Variants in ATL2 observed in about 807,000 individuals in gnomAD.
ATL2 encodes the protein atlastin-2.
In ATL2, 31 loss-of-function variants were observed where a neutral mutation model predicts 73.9. The observed-to-expected ratio is 0.42, with a 90% CI of 0.32 to 0.57. The LOEUF (loss-of-function observed/expected upper bound fraction) is 0.57. ATL2 is among the 20% of genes least tolerant of loss of function. ATL2 has a pLI of 0.14. For synonymous variants in ATL2, 291 were observed against 237.5 expected (o/e 1.23, Z -2.07); for missense variants, 738 against 702.6 (o/e 1.05, Z -0.57).
intron 1 of ATL2, among the ~76,000 whole-genome samples, chr2:38,360,454 T>G (rs1670948285): frequency 2.0e-5 from 3 of 151,804 alleles, no homozygotes; most frequent in Admixed American, 1.3e-4. Flanking sequence ...GTCAACTAAT[T>G]TAGTTTTTGT....
rs956871759 is a variant in ATL2, at chr2:38,310,692, C to T, written c.805-245G>A. On this transcript the variant is annotated intron_variant, in intron 7 of 12. Coordinates refer to ENST00000378954, the MANE Select transcript of ATL2 (RefSeq NM_001135673.4). ...CGCTCTTGTTGCCCAGGCTGGAGTG[C>T]AATGGTGCAATCTCGGCTCACCGCA... Among the ~76,000 whole-genome samples the T allele has an allele frequency of 2.8e-4, 41 of 144,946 alleles. 1 individual carries two copies.
chr2:38,309,866 T>C (rs1667652101), intron 8 of ATL2, among the ~76,000 whole-genome samples: 1 of 152,192 alleles, frequency 6.6e-6, no homozygotes, highest in South Asian at 2.1e-4. Context: ...TACTAGATTA[T>C]GTTTTACCAG....
chr2:38,346,489 A>T (rs901355486), intron 1 of ATL2, among the ~76,000 whole-genome samples: 7 of 152,186 alleles, frequency 4.6e-5, no homozygotes, highest in African/African-American at 1.7e-4. Context: ...TCTTTAAACC[A>T]GCGGTCCCCA....
Position 38,298,226 on chromosome 2 carries a change from G to A in ATL2, c.1550C>T (p.Thr517Ile), listed in dbSNP as rs775841910. ...CCCAGAGTATTTAACATATGCCCAA[G>A]TACAAAGAAATATCAGTGCTAACCC... The part of the protein sequence containing the change: ...VMGLALIFLC[T>I]WAYVKYSGEF... The change falls in exon 12 of 13, where the codon ACT becomes ATT. Residue 517 changes from threonine (T) to isoleucine (I), a missense_variant. Transcript: ENST00000378954. 2 of 1,614,030 alleles carry A rather than the reference G, an allele frequency of 1.2e-6. No individual in the cohort carries two copies. The highest frequency in any genetic ancestry group is 1.7e-6 in the Non-Finnish European group (2 of 1,179,974).
In ATL2 at chr2:38,294,847, T is replaced by C. The variant is rs1446239344; in HGVS notation, c.*1147A>G. ...AATGTGGTTTATGAAGTGGAATACA[T>C]ACTTGAAAAATTCCTTAAAAAAGAA... On this transcript the variant is annotated 3_prime_UTR_variant, in exon 13 of 13. Coordinates refer to ENST00000378954, the MANE Select transcript of ATL2 (RefSeq NM_001135673.4). 2 of 152,186 alleles carry C rather than the reference T, an allele frequency of 1.3e-5. No individual in the cohort carries two copies. The highest frequency in any genetic ancestry group is 4.8e-5 in the African/African-American group (2 of 41,450). The allele number at this position is 152,186 out of a possible 1,614,324, so 9.4% of individuals were successfully genotyped here.
At chr2:38,365,764 G>T (rs1330340560) in intron 1 of ATL2, among the ~76,000 whole-genome samples, 1 of 151,754 alleles carries the variant, frequency 6.6e-6, no homozygotes, top group Non-Finnish European at 1.5e-5. Context: ...ATTCCTGGGT[G>T]ACAGAATGAG....
At chr2:38,307,261 C>G (rs1667500090) in intron 9 of ATL2, among the ~76,000 whole-genome samples, 1 of 151,998 alleles carries the variant, frequency 6.6e-6, no homozygotes, top group Non-Finnish European at 1.5e-5. Flanking sequence ...TTTTGATGTG[C>G]AAAACCTTTT....
At chr2:38,341,671 T>C (rs1669728322) in intron 2 of ATL2, among the ~76,000 whole-genome samples, 1 of 152,146 alleles carries the variant, frequency 6.6e-6, no homozygotes, top group African/African-American at 2.4e-5. Flanking sequence ...TGAGACAAAC[T>C]TTAAAATGAT....
intron 1 of ATL2, among the ~76,000 whole-genome samples, chr2:38,345,745 C>T (rs1215391972): frequency 6.6e-6 from 1 of 152,144 alleles, no homozygotes; most frequent in African/African-American, 2.4e-5. Flanking sequence ...AAACAGGATG[C>T]AAACGGTATA....
intron 2 of ATL2, among the ~76,000 whole-genome samples, chr2:38,330,337 G>A (rs1287032382): frequency 6.6e-6 from 1 of 151,746 alleles, no homozygotes; most frequent in African/African-American, 2.4e-5. Flanking sequence ...CTAGAAACTA[G>A]GTTAGAAAAC....
chr2:38,297,555 T>C (rs1027544751), intron 12 of ATL2, among the ~76,000 whole-genome samples: 1 of 152,194 alleles, frequency 6.6e-6, no homozygotes, highest in Non-Finnish European at 1.5e-5. Context: ...AGGTAAAAGA[T>C]TACGACGGAG....
At chr2:38,376,115 C>T (rs1048462655) in intron 1 of ATL2, 22 of 1,512,870 alleles carry the variant, frequency 1.5e-5, no homozygotes, top group Non-Finnish European at 2.0e-5. Context: ...GCCGTACTTA[C>T]CAAATCGTAG....
intron 2 of ATL2, among the ~76,000 whole-genome samples, chr2:38,336,345 G>T (rs1455219508): frequency 3.3e-5 from 5 of 152,110 alleles, no homozygotes; most frequent in Non-Finnish European, 7.4e-5. Flanking sequence ...AAATAGCAAA[G>T]AATAAAAACA....
intron 2 of ATL2, among the ~76,000 whole-genome samples, chr2:38,320,527 A>C (rs999769257): frequency 6.6e-6 from 1 of 152,216 alleles, no homozygotes; most frequent in African/African-American, 2.4e-5. Flanking sequence ...CACAGGGCTA[A>C]ATTGTTATTA....
chr2:38,347,079 A>G (rs1670055911), intron 1 of ATL2, among the ~76,000 whole-genome samples: 1 of 152,222 alleles, frequency 6.6e-6, no homozygotes. Flanking sequence ...TTATGTAAGT[A>G]CTTATTTATT....
intron 7 of ATL2, among the ~76,000 whole-genome samples, chr2:38,311,433 T>G (rs1667751866): frequency 8.5e-6 from 1 of 117,520 alleles, no homozygotes; most frequent in African/African-American, 3.0e-5. Context: ...ATGCGCTATT[T>G]ATAATTAAAA....
At chr2:38,366,176 G>A (rs1325137672) in intron 1 of ATL2, among the ~76,000 whole-genome samples, 1 of 151,024 alleles carries the variant, frequency 6.6e-6, no homozygotes, top group Non-Finnish European at 1.5e-5. Flanking sequence ...TTGGCAATTT[G>A]AGGGTACATG....
chr2:38,335,097 C>G (rs1402376610), intron 2 of ATL2, among the ~76,000 whole-genome samples: 1 of 150,822 alleles, frequency 6.6e-6, no homozygotes, highest in Non-Finnish European at 1.5e-5. Flanking sequence ...ATTGACAATA[C>G]AGTTCACAAG....
Position 38,295,190 on chromosome 2 carries a change from ATATATT to A in ATL2, c.*798_*803del, listed in dbSNP as rs1409677680. ...AAACTTTTAATACAAAATCGTATTT[ATATATT>A]TATAAGTCATATACATGCCCTATCT... On this transcript the variant is annotated 3_prime_UTR_variant, in exon 13 of 13. Transcript: ENST00000378954. 1.4e-4 allele frequency: 22 copies of A among 152,306 alleles called. No individual in the cohort carries two copies. The highest frequency in any genetic ancestry group is 2.6e-4 in the African/African-American group (11 of 41,566). 9.4% of individuals were successfully genotyped at this position (152,306 alleles called of 1,614,324 possible).
Sources: gnomAD v4.1 joint callset for allele counts (sites outside exome capture counted in the v4.1 genomes callset) on GRCh38, gnomAD v4.1.1 for gene constraint, MANE v1.5 for transcripts, NCBI Gene and HGNC (gene_info 2026-07-23, HGNC 2026-07-21) for gene names.